CMSS1: variants seen among roughly 807,000 people sequenced by gnomAD.
The protein encoded by CMSS1 is cms1 ribosomal small subunit homolog.
Under a neutral mutation model 43.5 loss-of-function variants are expected in CMSS1, and 33 were observed. The observed-to-expected ratio is 0.76, with a 90% CI of 0.57 to 1.01. CMSS1 has a LOEUF of 1.01. Among genes scored for constraint, CMSS1 ranks in the 50% least tolerant of loss-of-function variants. The probability of loss-of-function intolerance (pLI) is 0.00; values close to 1 mark genes in which losing one functional copy is unlikely to be tolerated. For missense variants in CMSS1, 313 were observed against 326.4 expected (o/e 0.96, Z 0.32); for synonymous variants, 115 against 117.2 (o/e 0.98, Z 0.12).
intron 1 of CMSS1, among the ~76,000 whole-genome samples, chr3:99,962,368 C>T (rs1435921918): frequency 1.3e-5 from 2 of 152,104 alleles, no homozygotes; most frequent in Non-Finnish European, 2.9e-5. Context: ...CTCTTGGGAA[C>T]ATAATTACTA....
chr3:99,826,218 T>A (rs892560808), intron 1 of CMSS1, among the ~76,000 whole-genome samples: 1 of 152,216 alleles, frequency 6.6e-6, no homozygotes, highest in African/African-American at 2.4e-5. Flanking sequence ...ATAGAATTCT[T>A]AATTGATTTT....
At chr3:99,875,147 C>T (rs1043782069) in intron 1 of CMSS1, among the ~76,000 whole-genome samples, 3 of 152,124 alleles carry the variant, frequency 2.0e-5, no homozygotes, top group African/African-American at 7.2e-5. Flanking sequence ...CTAAAGTTGA[C>T]ATAACCTTTT....
chr3:99,897,651 A>G (rs1371154954), intron 1 of CMSS1, among the ~76,000 whole-genome samples: 1 of 152,212 alleles, frequency 6.6e-6, no homozygotes, highest in Admixed American at 6.5e-5. Flanking sequence ...TACTGAAAGT[A>G]GAAAACCAAA....
intron 1 of CMSS1, among the ~76,000 whole-genome samples, chr3:99,965,137 A>C (rs1708611535): frequency 6.6e-6 from 1 of 152,240 alleles, no homozygotes; most frequent in Non-Finnish European, 1.5e-5. Context: ...TTTCTGAAGC[A>C]ATGTTAATCC....
chr3:99,851,202 G>A, intron 1 of CMSS1: 2 of 676,198 alleles, frequency 3.0e-6, no homozygotes, highest in Non-Finnish European at 4.5e-6. Flanking sequence ...ATATGCAAAA[G>A]AGTTCCTGAA....
At chr3:100,098,233 TACCTGTATTGGTG>T in intron 1 of CMSS1, among the ~76,000 whole-genome samples, 1 of 152,332 alleles carries the variant, frequency 6.6e-6, no homozygotes, top group Non-Finnish European at 1.5e-5. Context: ...AACTACACGG[TACCTGTATTGGTG>T]ATGATAAGCT....
chr3:99,927,797 G>A (rs1397269298), intron 1 of CMSS1, among the ~76,000 whole-genome samples: 2 of 152,146 alleles, frequency 1.3e-5, no homozygotes, highest in Non-Finnish European at 2.9e-5. Context: ...CTTGTGGACT[G>A]AGTCCTTGCC....
At chr3:100,167,619 G>C (rs920780428) in intron 5 of CMSS1, 119 bp from the exon 6 acceptor site, 2 of 515,070 alleles carry the variant, frequency 3.9e-6, no homozygotes, top group African/African-American at 1.9e-5. Context: ...TAATTATAAT[G>C]AACCATGCTT....
At chr3:100,032,450 A>T (rs1358054894) in intron 1 of CMSS1, among the ~76,000 whole-genome samples, 1 of 152,200 alleles carries the variant, frequency 6.6e-6, no homozygotes, top group Non-Finnish European at 1.5e-5. Flanking sequence ...TTTATTCGGA[A>T]TGGCAGCTGG....
chr3:99,860,345 T>C (rs182730067), intron 1 of CMSS1, among the ~76,000 whole-genome samples: 168 of 152,228 alleles, frequency 1.1e-3, no homozygotes, highest in African/African-American at 3.9e-3. Context: ...AAGATGGAAA[T>C]AGTCAAATGA....
chr3:100,081,627 T>G (rs1475504800), intron 1 of CMSS1, among the ~76,000 whole-genome samples: 1 of 152,258 alleles, frequency 6.6e-6, no homozygotes, highest in East Asian at 1.9e-4. Flanking sequence ...CATGCCAGTA[T>G]AGTGTGATTT....
intron 1 of CMSS1, among the ~76,000 whole-genome samples, chr3:100,131,955 T>C (rs368844266): frequency 6.6e-6 from 1 of 152,346 alleles, no homozygotes. Context: ...TACATGCTTT[T>C]TTTAAAGATT....
At chr3:99,986,143 GTTT>G (rs1307908100) in intron 1 of CMSS1, among the ~76,000 whole-genome samples, 5 of 152,090 alleles carry the variant, frequency 3.3e-5, no homozygotes, top group Non-Finnish European at 7.4e-5. Flanking sequence ...AATCTAAATT[GTTT>G]TTATTTTAAT....
At chr3:100,005,385 C>T (rs1709959185) in intron 1 of CMSS1, among the ~76,000 whole-genome samples, 2 of 152,188 alleles carry the variant, frequency 1.3e-5, no homozygotes, top group Non-Finnish European at 2.9e-5. Flanking sequence ...GAGTGGGGTC[C>T]CTCTACCCCC....
intron 1 of CMSS1, among the ~76,000 whole-genome samples, chr3:99,859,294 C>G (rs376262561): frequency 3.3e-5 from 5 of 152,214 alleles, no homozygotes; most frequent in East Asian, 1.9e-4. Context: ...CAAAACCTGC[C>G]TGTATTCTTG....
At chr3:100,172,110 A>G in intron 7 of CMSS1, 1 of 634,310 alleles carries the variant, frequency 1.6e-6, no homozygotes, top group Non-Finnish European at 2.8e-6. Context: ...GTCCCTGTAT[A>G]GAACCTGAGG....
intron 1 of CMSS1, among the ~76,000 whole-genome samples, chr3:99,918,831 C>A (rs1421966133): frequency 6.6e-6 from 1 of 152,060 alleles, no homozygotes; most frequent in Non-Finnish European, 1.5e-5. Context: ...AGTGGATCTC[C>A]ATTTTGTTCT....
At chr3:100,095,961 A>G (rs2066198895) in intron 1 of CMSS1, among the ~76,000 whole-genome samples, 1 of 152,182 alleles carries the variant, frequency 6.6e-6, no homozygotes, top group Admixed American at 6.5e-5. Flanking sequence ...AATAGGCATA[A>G]GATTTGAATA....
At chr3:100,130,417 A>G (rs1185780184) in intron 1 of CMSS1, among the ~76,000 whole-genome samples, 1 of 152,222 alleles carries the variant, frequency 6.6e-6, no homozygotes, top group Non-Finnish European at 1.5e-5. Context: ...TTTTATCTGT[A>G]AAGACTCATA....
Sources: allele counts gnomAD v4.1 joint callset (sites outside exome capture counted in the v4.1 genomes callset), GRCh38; gene constraint gnomAD v4.1.1; transcripts MANE v1.5; gene names NCBI Gene and HGNC (gene_info 2026-07-23, HGNC 2026-07-21).